The following TIAM1 variants were observed in gnomAD, a reference collection of about 807,000 sequenced individuals.
TIAM1 encodes the protein rho guanine nucleotide exchange factor TIAM1.
In TIAM1, 65 loss-of-function variants were observed where a neutral mutation model predicts 163.5. That is an observed-to-expected ratio of 0.40 (90% CI 0.33 to 0.49). The LOEUF (loss-of-function observed/expected upper bound fraction) is 0.49, where lower values mean the gene tolerates loss of function less well. Ranked by LOEUF, TIAM1 falls within the 20% of genes least tolerant of loss-of-function variation. The pLI is 0.77. For missense variants in TIAM1, 1,789 were observed against 2,044.7 expected (o/e 0.87, Z 2.41); for synonymous variants, 833 against 810.1 (o/e 1.03, Z -0.48).
chr21:31,189,865 AATG>A (rs2146472474), intron 13 of TIAM1, among the ~76,000 whole-genome samples: 1 of 152,346 alleles, frequency 6.6e-6, no homozygotes, highest in Non-Finnish European at 1.5e-5. Flanking sequence ...TGAAGAACAT[AATG>A]ATTTTAACAG....
In TIAM1 at chr21:31,228,234, A is replaced by T. The variant is rs1569068683; in HGVS notation, c.1585-2284T>A. On this transcript the variant is annotated intron_variant, in intron 6 of 27. Coordinates refer to ENST00000541036, the MANE Select transcript of TIAM1 (RefSeq NM_001353694.2). ...CCTCCTTTTTTTAAAAAAAAAAAAA[A>T]AAAAAAAAAAAAAAAAAAAAAAAAA... is the stretch of plus-strand genomic sequence containing the variant. Among the ~76,000 whole-genome samples the T allele has an allele frequency of 6.8e-3, 221 of 32,398 alleles. 21 individuals carry two copies. The highest frequency in any genetic ancestry group is 0.019 in the African/African-American group (194 of 10,164). The allele number at this position is 32,398 out of a possible 152,430, so 21.3% of individuals were successfully genotyped here. A position where few individuals can be genotyped will look rare whatever the true frequency, so the allele number is the denominator to read the frequency against.
chr21:31,345,107 A>G (rs2147105786), upstream of TIAM1, among the ~76,000 whole-genome samples: 1 of 152,370 alleles, frequency 6.6e-6, no homozygotes, highest in African/African-American at 2.4e-5. Flanking sequence ...CTGGTTAAAG[A>G]GAATGAAAGA....
chr21:31,121,040 T>C (rs1315067699), intron 27 of TIAM1, among the ~76,000 whole-genome samples: 1 of 152,140 alleles, frequency 6.6e-6, no homozygotes, highest in Admixed American at 6.5e-5. Context: ...TTAGAGGATG[T>C]TCTAGCAACT....
intron 1 of TIAM1, among the ~76,000 whole-genome samples, chr21:31,470,490 G>A (rs2045701879): frequency 6.6e-6 from 1 of 151,568 alleles, no homozygotes; most frequent in South Asian, 2.1e-4. Context: ...TATGCCACCA[G>A]GCCTGGCTAA....
chr21:31,541,084 T>C (rs1349664417), intron 1 of TIAM1, among the ~76,000 whole-genome samples: 1 of 152,180 alleles, frequency 6.6e-6, no homozygotes, highest in Non-Finnish European at 1.5e-5. Flanking sequence ...TTAATACATA[T>C]TGAATACAGA....
chr21:31,457,156 G>A (rs989858233), intron 2 of TIAM1, among the ~76,000 whole-genome samples: 1 of 151,872 alleles, frequency 6.6e-6, no homozygotes, highest in Non-Finnish European at 1.5e-5. Context: ...CCCAGAATAC[G>A]GGCACTTTAT....
At chr21:31,257,528 T>C (rs533778153) in intron 4 of TIAM1, among the ~76,000 whole-genome samples, 7 of 151,946 alleles carry the variant, frequency 4.6e-5, no homozygotes, top group Admixed American at 4.6e-4. Context: ...TCACTATCCA[T>C]AATATATCAG....
At chr21:31,142,630 CAAAA>C (rs35209332) in intron 20 of TIAM1, among the ~76,000 whole-genome samples, 5 of 101,492 alleles carry the variant, frequency 4.9e-5, no homozygotes, top group African/African-American at 7.2e-5. Flanking sequence ...GACTCCGTCT[CAAAA>C]AAAAAAAAAA....
chr21:31,539,379 C>T (rs376631921), intron 1 of TIAM1, among the ~76,000 whole-genome samples: 3 of 150,818 alleles, frequency 2.0e-5, no homozygotes, highest in Non-Finnish European at 2.9e-5. Flanking sequence ...CATTCTCCTG[C>T]CTCAGCCTCC....
At chr21:31,552,602 T>C (rs2048730591) in intron 1 of TIAM1, among the ~76,000 whole-genome samples, 1 of 152,068 alleles carries the variant, frequency 6.6e-6, no homozygotes, top group Admixed American at 6.6e-5. Context: ...GGTGAAACCC[T>C]GCCTCTCCTA....
intron 8 of TIAM1, among the ~76,000 whole-genome samples, chr21:31,221,520 A>T (rs1184859267): frequency 1.3e-5 from 2 of 152,248 alleles, no homozygotes; most frequent in Admixed American, 6.5e-5. Context: ...AGATGAAGGA[A>T]ATTAGAGGGT....
At chr21:31,180,371 C>T (rs1359437689) in intron 15 of TIAM1, among the ~76,000 whole-genome samples, 2 of 152,146 alleles carry the variant, frequency 1.3e-5, no homozygotes, top group South Asian at 4.1e-4. Flanking sequence ...ACCCTAAGTC[C>T]TTGTCACAAC....
chr21:31,347,532 A>C (rs1399769774), upstream of TIAM1, among the ~76,000 whole-genome samples: 2 of 152,224 alleles, frequency 1.3e-5, no homozygotes, highest in African/African-American at 4.8e-5. Context: ...ATTTCGGAAA[A>C]GAAAATGTGA....
At chr21:31,315,280 C>A (rs971512021) in intron 2 of TIAM1, among the ~76,000 whole-genome samples, 1 of 151,800 alleles carries the variant, frequency 6.6e-6, no homozygotes, top group African/African-American at 2.4e-5. Flanking sequence ...TTTGGGAGGC[C>A]GAAGCGGGCA....
intron 23 of TIAM1, 39 bp from the exon 24 acceptor site, chr21:31,130,987 G>A (rs761176188): frequency 9.5e-6 from 15 of 1,582,568 alleles, no homozygotes; most frequent in Non-Finnish European, 1.3e-5. Flanking sequence ...GGTATGTCAT[G>A]TGTAGGGTTT....
intron 2 of TIAM1, among the ~76,000 whole-genome samples, chr21:31,294,864 T>C (rs1282544227): frequency 6.6e-6 from 1 of 152,182 alleles, no homozygotes; most frequent in Admixed American, 6.5e-5. Context: ...CCTGAACGCA[T>C]GTTGGCACCA....
In TIAM1 at chr21:31,251,641, T is replaced by TAACAAC. The variant is rs954565602; in HGVS notation, c.1411+95_1411+100dup. ...ATTAGTATGATTTTCAAATTCTGTA[T>TAACAAC]AACAACAACAACAACAAACCCACCC... On this transcript the variant is annotated intron_variant, in intron 5 of 27. Transcript: ENST00000541036. 2.5e-5 allele frequency: 31 copies of TAACAAC among 1,230,352 alleles called. No individual in the cohort carries two copies. In the African/African-American group the frequency reaches 3.8e-4, roughly 15 times the overall value. 76.2% of individuals were successfully genotyped at this position (1,230,352 alleles called of 1,614,324 possible). A position where few individuals can be genotyped will look rare whatever the true frequency, so the allele number is the denominator to read the frequency against.
intron 2 of TIAM1, among the ~76,000 whole-genome samples, chr21:31,456,402 G>T (rs552280663): frequency 3.9e-5 from 6 of 152,312 alleles, no homozygotes; most frequent in South Asian, 2.1e-4. Context: ...CCCTGGCAAG[G>T]GTGAGCTTCC....
intron 17 of TIAM1, 39 bp from the exon 18 acceptor site, chr21:31,153,173 T>A: frequency 6.7e-7 from 1 of 1,500,378 alleles, no homozygotes; most frequent in Non-Finnish European, 9.2e-7. Flanking sequence ...TTATGTGTTT[T>A]ATTTTTTATA....
Sources: allele counts gnomAD v4.1 joint callset (sites outside exome capture counted in the v4.1 genomes callset), GRCh38; gene constraint gnomAD v4.1.1; transcripts MANE v1.5; gene names NCBI Gene and HGNC (gene_info 2026-07-23, HGNC 2026-07-21).